Variants in ERCC6 observed in about 807,000 individuals in gnomAD.
ERCC6 encodes ERCC excision repair 6, chromatin remodeling factor.
Under a neutral mutation model 158.7 loss-of-function variants are expected in ERCC6, and 116 were observed. That is an observed-to-expected ratio of 0.73 (90% CI 0.63 to 0.85). The LOEUF is 0.85. Among genes scored for constraint, ERCC6 ranks in the 40% least tolerant of loss-of-function variants. The pLI is 0.00. For missense variants in ERCC6, 1,698 were observed against 1,799.4 expected (o/e 0.94, Z 1.02); for synonymous variants, 678 against 659.3 (o/e 1.03, Z -0.43).
At position 49,482,760 on chromosome 10, in the gene ERCC6, G is replaced by A. The variant is rs55698015; in HGVS notation, c.2096C>T (p.Thr699Met). ...GAACTGCTCCATAAACACAGGCAAC[G>A]TGCCTAACTTTCCCGGGAAGATGAA... ...FDFIFPGKLG[T>M]LPVFMEQFSV... Residue 699 changes from threonine to methionine, a missense_variant, in exon 10 of 21, where the codon ACG becomes ATG. By Grantham distance (81) the Thr-to-Met change is moderately conservative. Transcript: ENST00000355832. 2.8e-4 allele frequency: 445 copies of A among 1,613,798 alleles called. 2 individuals are homozygous for A. In the African/African-American group the frequency reaches 4.8e-3, roughly 18 times the overall value.
downstream of ERCC6, among the ~76,000 whole-genome samples, chr10:49,449,178 G>A (rs1252019724): frequency 6.6e-6 from 1 of 152,216 alleles, no homozygotes; most frequent in Non-Finnish European, 1.5e-5. Context: ...CTTAGTGGGT[G>A]TGAAGTGATA....
At chr10:49,466,785 G>A (rs1278119270) in intron 18 of ERCC6, among the ~76,000 whole-genome samples, 1 of 152,092 alleles carries the variant, frequency 6.6e-6, no homozygotes, top group Admixed American at 6.5e-5. Context: ...TTTTATTGTT[G>A]ATTAGTATAT....
In ERCC6 at chr10:49,499,990, A is replaced by T. The variant is rs1207227874; in HGVS notation, c.1685+548T>A. On this transcript the variant is annotated intron_variant, in intron 7 of 20. Coordinates refer to ENST00000355832, the MANE Select transcript of ERCC6 (RefSeq NM_000124.4). ...ACAAGTAACTTCATTCAAAAACAAG[A>T]GAGAGAGCAAGCTATCTAGAAATGC... Among the ~76,000 whole-genome samples the T allele has an allele frequency of 3.3e-5, 5 of 152,206 alleles. No individual in the cohort carries two copies. In the East Asian group the frequency reaches 9.6e-4, roughly 29 times the overall value.
intron 7 of ERCC6, among the ~76,000 whole-genome samples, chr10:49,497,190 A>T (rs1564428786): frequency 6.6e-6 from 1 of 152,208 alleles, no homozygotes; most frequent in South Asian, 2.1e-4. Flanking sequence ...GAGCTCCCCA[A>T]GGAGAGTGGG....
intron 1 of ERCC6, among the ~76,000 whole-genome samples, chr10:49,538,040 A>ATC (rs1323796151): frequency 6.6e-6 from 1 of 152,254 alleles, no homozygotes; most frequent in African/African-American, 2.4e-5. Flanking sequence ...AAATGCAAGA[A>ATC]GGCTGGAACA....
At chr10:49,442,599 C>A in the ERCC6 span, among the ~76,000 whole-genome samples, 2 of 152,206 alleles carry the variant, frequency 1.3e-5, no homozygotes, top group Non-Finnish European at 2.9e-5. Flanking sequence ...TCCGTGGAAG[C>A]TGATGCCAGT....
intron 5 of ERCC6, chr10:49,516,171 C>T (rs745639461): frequency 1.2e-6 from 2 of 1,613,998 alleles, no homozygotes; most frequent in Admixed American, 3.3e-5. Flanking sequence ...TGGGTTTTTA[C>T]CCTGATACGG....
At chr10:49,484,654 C>G (rs1851045524) in intron 8 of ERCC6, among the ~76,000 whole-genome samples, 1 of 152,110 alleles carries the variant, frequency 6.6e-6, no homozygotes, top group Non-Finnish European at 1.5e-5. Context: ...GCAAGAAGAT[C>G]CCTTGAGCTC....
intron 10 of ERCC6, among the ~76,000 whole-genome samples, 168 bp downstream of exon 10, chr10:49,482,519 C>G (rs1850996761): frequency 6.7e-6 from 1 of 148,806 alleles, no homozygotes; most frequent in Non-Finnish European, 1.5e-5. Flanking sequence ...AAAATATGAT[C>G]AAGCAAAGAT....
At chr10:49,497,666 C>A (rs1401785736) in intron 7 of ERCC6, among the ~76,000 whole-genome samples, 1 of 152,196 alleles carries the variant, frequency 6.6e-6, no homozygotes, top group African/African-American at 2.4e-5. Context: ...GTCACATCGT[C>A]AACTGAACCA....
chr10:49,479,716 C>T (rs1254686135), intron 10 of ERCC6, among the ~76,000 whole-genome samples: 5 of 152,172 alleles, frequency 3.3e-5, no homozygotes, highest in Admixed American at 1.3e-4. Context: ...CGCAGAAGAG[C>T]GAGCATGCTG....
chr10:49,446,678 T>C, the ERCC6 span, among the ~76,000 whole-genome samples: 2 of 152,088 alleles, frequency 1.3e-5, no homozygotes, highest in Non-Finnish European at 2.9e-5. Context: ...CTTGGGAGGC[T>C]GAGGCGGGAG....
chr10:49,461,414 TGCTCCCAGACACC>T lies in ERCC6; in HGVS notation c.3908_3920del (p.Arg1303GlnfsTer52). ...CAGTCCAGGTGGGAACACCAGACAC[TGCTCCCAGACACC>T]GCTGACGAGAGAGCCTCAGTGCTTT... On this transcript the variant is annotated frameshift_variant, in exon 19 of 21. Transcript: ENST00000355832. LOFTEE classifies it high-confidence loss of function. 6.2e-7 allele frequency: 1 copy of T among 1,614,136 alleles called. No individual in the cohort carries two copies. Among genetic ancestry groups the T allele is most frequent in the Non-Finnish European group, 8.5e-7 (1 of 1,180,042 alleles).
At chr10:49,466,487 T>A (rs1850677081) in intron 18 of ERCC6, among the ~76,000 whole-genome samples, 1 of 152,176 alleles carries the variant, frequency 6.6e-6, no homozygotes, top group Non-Finnish European at 1.5e-5. Context: ...CTTATTAGAG[T>A]GTAACTGATA....
chr10:49,532,437 T>C (rs1837490729), intron 2 of ERCC6, 106 bp downstream of exon 2: 3 of 1,550,882 alleles, frequency 1.9e-6, no homozygotes, highest in Non-Finnish European at 2.6e-6. Context: ...AAATAAAAGG[T>C]TCTACACATC....
intron 11 of ERCC6, among the ~76,000 whole-genome samples, chr10:49,476,729 A>G (rs891962812): frequency 6.6e-6 from 1 of 152,086 alleles, no homozygotes; most frequent in African/African-American, 2.4e-5. Context: ...GTGCAGGCCC[A>G]TGAGTTACCA....
downstream of ERCC6, among the ~76,000 whole-genome samples, chr10:49,451,693 G>A (rs1476972378): frequency 6.6e-6 from 1 of 152,116 alleles, no homozygotes; most frequent in East Asian, 1.9e-4. Context: ...ATTTTTGCAG[G>A]TATTTCATAA....
intron 18 of ERCC6, among the ~76,000 whole-genome samples, chr10:49,466,365 C>A (rs758490857): frequency 6.6e-6 from 1 of 152,062 alleles, no homozygotes; most frequent in Non-Finnish European, 1.5e-5. Context: ...TAACTCAGTA[C>A]GTTGTGAATG....
chr10:49,524,106 C>T lies in ERCC6; in HGVS notation c.1324G>A (p.Gly442Arg). ...EEAEAASVGE[G>R]GGGGRKVGRY... ...CCCACTTTCCGACCTCCTCCTCCTCCTTCTCCTACAGAAGCAGCTTCAGCT... is the reference window on the plus strand; with the variant it reads ...CCCACTTTCCGACCTCCTCCTCCTCTTTCTCCTACAGAAGCAGCTTCAGCT... The change falls in exon 5 of 21, where the codon GGA (glycine) becomes AGA (arginine). Residue 442 changes from glycine (G) to arginine (R), a missense_variant. Physicochemically the swap from Gly to Arg is moderately radical, Grantham distance 125. Coordinates refer to ENST00000355832, the MANE Select transcript of ERCC6 (RefSeq NM_000124.4). 6.2e-7 allele frequency: 1 copy of T among 1,613,870 alleles called. No homozygotes were observed.
Sources: allele counts gnomAD v4.1 joint callset (sites outside exome capture counted in the v4.1 genomes callset), GRCh38; gene constraint gnomAD v4.1.1; transcripts MANE v1.5; gene names NCBI Gene and HGNC (gene_info 2026-07-23, HGNC 2026-07-21).